PDE4D: variants seen among roughly 807,000 people sequenced by gnomAD.
PDE4D encodes phosphodiesterase 4D.
A neutral mutation model predicts 87.4 loss-of-function variants in PDE4D; 24 were observed. That is an observed-to-expected ratio of 0.27 (90% CI 0.20 to 0.39). PDE4D has a LOEUF of 0.39. Ranked by LOEUF, PDE4D falls within the 10% of genes least tolerant of loss-of-function variation. PDE4D has a pLI of 1.00. For synonymous variants in PDE4D, 384 were observed against 383.2 expected (o/e 1.00, Z -0.02); for missense variants, 714 against 1,041.0 (o/e 0.69, Z 4.32).
chr5:60,065,334 T>G (rs183481054), intron 2 of PDE4D, among the ~76,000 whole-genome samples: 35 of 152,062 alleles, frequency 2.3e-4, no homozygotes, highest in Non-Finnish European at 4.3e-4. Context: ...TATTATTTAT[T>G]TTATGTATAA....
intron 1 of PDE4D, among the ~76,000 whole-genome samples, chr5:59,876,945 A>G (rs1339678046): frequency 6.6e-6 from 1 of 152,198 alleles, no homozygotes; most frequent in Admixed American, 6.5e-5. Flanking sequence ...CCTACACATT[A>G]ATGGTATTAT....
intron 5 of PDE4D, among the ~76,000 whole-genome samples, chr5:59,171,037 A>G (rs1352783363): frequency 6.6e-6 from 1 of 151,834 alleles, no homozygotes; most frequent in African/African-American, 2.4e-5. Context: ...ACGTGCCACC[A>G]CGCCTGGCTA....
chr5:60,431,380 C>T lies in PDE4D; in HGVS notation c.-90+56562G>A, dbSNP rs1274345906. On this transcript the variant is annotated intron_variant, in intron 1 of 16. Coordinates refer to the PDE4D transcript ENST00000502484. ...ATGGGGCGGCCGGGCAGAGACGCTCCTCACCTCCCAGACGGGTTCGCGGCC... is the reference window on the plus strand; with the variant it reads ...ATGGGGCGGCCGGGCAGAGACGCTCTTCACCTCCCAGACGGGTTCGCGGCC... Among the ~76,000 whole-genome samples the T allele has an allele frequency of 3.4e-4, 51 of 151,660 alleles. 1 individual carries two copies. Among genetic ancestry groups the T allele is most frequent in the African/African-American group, 1.2e-3 (49 of 41,332 alleles).
chr5:59,382,270 T>C (rs954993285), intron 1 of PDE4D, among the ~76,000 whole-genome samples: 1 of 152,172 alleles, frequency 6.6e-6, no homozygotes, highest in African/African-American at 2.4e-5. Context: ...ACTTTCCAAA[T>C]ATATACAACA....
At chr5:60,380,016 G>C (rs1325229074) in intron 1 of PDE4D, among the ~76,000 whole-genome samples, 3 of 152,206 alleles carry the variant, frequency 2.0e-5, no homozygotes, top group Non-Finnish European at 4.4e-5. Flanking sequence ...CTCAGTGAAA[G>C]TATGAGCAAA....
At chr5:60,480,707 T>C (rs1056516183) in intron 1 of PDE4D, among the ~76,000 whole-genome samples, 7 of 152,174 alleles carry the variant, frequency 4.6e-5, no homozygotes, top group African/African-American at 1.7e-4. Flanking sequence ...TACCTATATG[T>C]GGACTGCCTT....
In PDE4D at chr5:60,378,420, G is replaced by C. The variant is rs147162688; in HGVS notation, c.-90+109522C>G. 4.7e-3 allele frequency among the ~76,000 whole-genome samples: 708 copies of C among 152,244 alleles called. 5 individuals are homozygous for C. Among genetic ancestry groups the C allele is most frequent in the African/African-American group, 0.016 (663 of 41,548 alleles). Reference sequence around the variant, plus strand: ...AATATCCTCTAATCACCTTTGCCATGTTTTTCAACATCTCATTAGTGCTGA... The same window carrying C: ...AATATCCTCTAATCACCTTTGCCATCTTTTTCAACATCTCATTAGTGCTGA... On this transcript the variant is annotated intron_variant, in intron 1 of 16. Coordinates refer to the PDE4D transcript ENST00000502484.
chr5:59,193,430 C>A (rs1744758419), intron 3 of PDE4D, 70 bp downstream of exon 3: 1 of 1,322,934 alleles, frequency 7.6e-7, no homozygotes, highest in Non-Finnish European at 1.1e-6. Context: ...AAATTAATAA[C>A]CCGAACTAAT....
intron 5 of PDE4D, among the ~76,000 whole-genome samples, chr5:59,151,545 C>T (rs184036751): frequency 8.5e-5 from 13 of 152,214 alleles, no homozygotes; most frequent in African/African-American, 2.6e-4. Flanking sequence ...TGAACATCAA[C>T]AATAACCTAA....
chr5:60,269,133 T>C (rs1273208239), intron 1 of PDE4D, among the ~76,000 whole-genome samples: 1 of 152,034 alleles, frequency 6.6e-6, no homozygotes, highest in Non-Finnish European at 1.5e-5. Flanking sequence ...GTGAAACCCA[T>C]CTCTACTAAA....
intron 1 of PDE4D, among the ~76,000 whole-genome samples, chr5:60,285,508 C>T (rs1330549723): frequency 1.3e-5 from 2 of 149,928 alleles, no homozygotes; most frequent in African/African-American, 4.9e-5. Flanking sequence ...TAGAAAGTAA[C>T]CTTAATCAAA....
Position 58,974,797 on chromosome 5 carries a change from T to C in PDE4D, c.2297A>G (p.Lys766Arg). ...VEEDTSCSDS[K>R]TLCTQDSEST... ...CTCTGAGTCTTGAGTACAAAGAGTC[T>C]TGGAGTCACTGCAGCTAGTGTCTTC... Residue 766 changes from lysine to arginine, a missense_variant, in exon 15 of 15, where the codon AAG (lysine) becomes AGG (arginine). Coordinates refer to ENST00000340635, the MANE Select transcript of PDE4D (RefSeq NM_001104631.2). 2 of 1,613,786 alleles carry C rather than the reference T, an allele frequency of 1.2e-6. No homozygotes were observed. Among genetic ancestry groups the C allele is most frequent in the Non-Finnish European group, 1.7e-6 (2 of 1,179,738 alleles).
At chr5:59,064,969 A>G (rs1763658430) in intron 5 of PDE4D, among the ~76,000 whole-genome samples, 2 of 152,146 alleles carry the variant, frequency 1.3e-5, no homozygotes, top group South Asian at 4.1e-4. Flanking sequence ...GATCTTAAAG[A>G]GATATTTTCA....
At chr5:60,414,813 A>G (rs1363828739) in intron 1 of PDE4D, among the ~76,000 whole-genome samples, 5 of 152,248 alleles carry the variant, frequency 3.3e-5, no homozygotes, top group African/African-American at 9.6e-5. Context: ...ATTCCACATG[A>G]CAGCCTTCAC....
chr5:60,040,728 T>G (rs796460902), intron 2 of PDE4D, among the ~76,000 whole-genome samples: 8 of 152,332 alleles, frequency 5.3e-5, no homozygotes, highest in African/African-American at 1.9e-4. Flanking sequence ...AATGAACTAT[T>G]TTTCTTTACT....
chr5:59,557,400 G>C (rs1819123867), intron 1 of PDE4D, among the ~76,000 whole-genome samples: 1 of 152,114 alleles, frequency 6.6e-6, no homozygotes, highest in African/African-American at 2.4e-5. Flanking sequence ...TTCTGGCCAG[G>C]TTGGCATTTT....
chr5:59,105,685 G>A (rs1771471427), intron 5 of PDE4D, among the ~76,000 whole-genome samples: 1 of 152,200 alleles, frequency 6.6e-6, no homozygotes, highest in African/African-American at 2.4e-5. Context: ...AGATGCACCA[G>A]CTTTGTGCTT....
chr5:60,122,490 T>C (rs998233227), intron 2 of PDE4D, among the ~76,000 whole-genome samples: 2 of 152,260 alleles, frequency 1.3e-5, no homozygotes, highest in Admixed American at 6.5e-5. Flanking sequence ...ACATGGAAGA[T>C]GCCAAGGCTT....
rs183638299 is a variant in PDE4D at position 60,215,818 on chromosome 5, C to T, written c.-89-30131G>A. 2.1e-3 allele frequency among the ~76,000 whole-genome samples: 317 copies of T among 152,184 alleles called. 2 individuals carry two copies. Among genetic ancestry groups the T allele is most frequent in the African/African-American group, 7.3e-3 (303 of 41,530 alleles). ...TACACATGTTAAAGTTTGAGAATCA[C>T]ATATCCCAATATAAATAAGATAGAA... On this transcript the variant is annotated intron_variant, in intron 1 of 16. Coordinates refer to the PDE4D transcript ENST00000502484.
Sources: gnomAD v4.1 joint callset for allele counts (sites outside exome capture counted in the v4.1 genomes callset) on GRCh38, gnomAD v4.1.1 for gene constraint, MANE v1.5 for transcripts, NCBI Gene and HGNC (gene_info 2026-07-23, HGNC 2026-07-21) for gene names.